The following TFEC variants were observed in gnomAD, a reference collection of about 807,000 sequenced individuals.
TFEC encodes class E basic helix-loop-helix protein 34.
TFEC carries 31 observed loss-of-function variants against 41.6 expected under a neutral mutation model. That is an observed-to-expected ratio of 0.74 (90% CI 0.56 to 1.01). The LOEUF (loss-of-function observed/expected upper bound fraction) is 1.01, where lower values mean the gene tolerates loss of function less well. Among genes scored for constraint, TFEC ranks in the 50% least tolerant of loss-of-function variants. The pLI, the probability that TFEC is intolerant of heterozygous loss-of-function variation, is 0.00. For synonymous variants in TFEC, 143 were observed against 140.6 expected (o/e 1.02, Z -0.12); for missense variants, 402 against 404.1 (o/e 0.99, Z 0.04).
intron 6 of TFEC, among the ~76,000 whole-genome samples, chr7:115,944,013 A>ATTTT (rs1160114562): frequency 0.014 from 313 of 22,806 alleles, 75 homozygotes; most frequent in Non-Finnish European, 0.025. Context: ...ACAGGTCTGA[A>ATTTT]TTTTTTTTTT....
chr7:116,070,174 A>G (rs1796794209), intron 3 of TFEC, among the ~76,000 whole-genome samples: 1 of 151,336 alleles, frequency 6.6e-6, no homozygotes, highest in South Asian at 2.1e-4. Flanking sequence ...GTGTGTATAT[A>G]TACATATAAA....
At chr7:116,034,710 A>ACAC (rs1463315072), upstream of TFEC, among the ~76,000 whole-genome samples, 1 of 151,538 alleles carries the variant, frequency 6.6e-6, no homozygotes, top group Non-Finnish European at 1.5e-5. Context: ...ACACACACAC[A>ACAC]CACAGCAACC....
In TFEC at chr7:115,954,609, T is replaced by C; in HGVS notation, c.416A>G (p.Gln139Arg). The part of the protein sequence containing the change: ...TDTRALAKER[Q>R]KKDNHNLIER... Reference sequence around the variant, plus strand: ...ACTGAGGTTGTGGTTGTCCTTTTTTTGTCTCTCTTTTGCTAAAGCTCTAGT... The same window carrying C: ...ACTGAGGTTGTGGTTGTCCTTTTTTCGTCTCTCTTTTGCTAAAGCTCTAGT... Residue 139 changes from glutamine to arginine, a missense_variant, in exon 5 of 8, where the codon CAA becomes CGA. Coordinates refer to ENST00000265440, the MANE Select transcript of TFEC (RefSeq NM_012252.4). 6.2e-7 allele frequency: 1 copy of C among 1,611,980 alleles called. No individual in the cohort carries two copies.
At chr7:116,103,660 CG>C (rs1027719111) in intron 3 of TFEC, among the ~76,000 whole-genome samples, 64 of 152,030 alleles carry the variant, frequency 4.2e-4, no homozygotes, top group African/African-American at 1.5e-3. Context: ...TCAGTTAACA[CG>C]TAGAGACACG....
intron 3 of TFEC, among the ~76,000 whole-genome samples, chr7:115,962,095 T>C (rs893963014): frequency 8.6e-5 from 13 of 151,538 alleles, no homozygotes; most frequent in Non-Finnish European, 1.5e-4. Flanking sequence ...TCCATTTAAA[T>C]AGCATCAAAA....
intron 7 of TFEC, chr7:115,941,437 T>G (rs553037273): frequency 6.0e-6 from 1 of 166,532 alleles, no homozygotes; most frequent in Admixed American, 6.3e-5. Flanking sequence ...CTTGAGGCAA[T>G]GAAATCCATA....
At chr7:116,113,676 A>C (rs1245163026) in intron 1 of TFEC, among the ~76,000 whole-genome samples, 1 of 152,050 alleles carries the variant, frequency 6.6e-6, no homozygotes, top group Admixed American at 6.6e-5. Flanking sequence ...TAAGATTCTT[A>C]TAATGCGTTC....
At chr7:116,083,179 C>A (rs1001791929) in intron 3 of TFEC, among the ~76,000 whole-genome samples, 20 of 151,692 alleles carry the variant, frequency 1.3e-4, no homozygotes, top group Non-Finnish European at 2.5e-4. Context: ...TGTGTCTAAT[C>A]TCTAAAATTA....
chr7:116,095,365 G>C (rs1179732378), intron 3 of TFEC, among the ~76,000 whole-genome samples: 2 of 152,196 alleles, frequency 1.3e-5, no homozygotes, highest in Non-Finnish European at 2.9e-5. Context: ...GCATGCATGA[G>C]TGAAAAGGTG....
Position 116,029,315 on chromosome 7 carries a change from C to G in TFEC, c.-73+1318G>C, listed in dbSNP as rs571467992. 6.0e-4 allele frequency among the ~76,000 whole-genome samples: 91 copies of G among 152,128 alleles called. 4 individuals carry two copies. In the South Asian group the frequency reaches 0.018, roughly 30 times the overall value. On this transcript the variant is annotated intron_variant, in intron 1 of 7. Transcript: ENST00000265440. Reference sequence around the variant, plus strand: ...AAGTTTAGCCTACTTAAAGTAGCTTCCATCCAAAAGTAAAATATTTAACAT... The same window carrying G: ...AAGTTTAGCCTACTTAAAGTAGCTTGCATCCAAAAGTAAAATATTTAACAT...
chr7:115,979,656 C>T (rs1321007125), intron 2 of TFEC, among the ~76,000 whole-genome samples: 1 of 152,008 alleles, frequency 6.6e-6, no homozygotes. Flanking sequence ...CCTAAGTTAA[C>T]TCATCATCAC....
At chr7:115,958,597 AG>A (rs1265624037) in intron 3 of TFEC, among the ~76,000 whole-genome samples, 1 of 151,860 alleles carries the variant, frequency 6.6e-6, no homozygotes, top group Non-Finnish European at 1.5e-5. Flanking sequence ...GCAACAATAA[AG>A]TAAGAGGTAC....
At chr7:116,048,007 G>T (rs1332932563) in intron 3 of TFEC, among the ~76,000 whole-genome samples, 2 of 152,144 alleles carry the variant, frequency 1.3e-5, no homozygotes, top group Non-Finnish European at 2.9e-5. Context: ...AAGACCAAAG[G>T]TAGATAAAAC....
chr7:116,014,467 A>G (rs1795116573), intron 1 of TFEC, among the ~76,000 whole-genome samples: 1 of 152,138 alleles, frequency 6.6e-6, no homozygotes, highest in African/African-American at 2.4e-5. Flanking sequence ...TTCCATACTA[A>G]TTTGAGCTTA....
intron 1 of TFEC, among the ~76,000 whole-genome samples, chr7:116,151,802 G>A (rs905118230): frequency 5.9e-5 from 9 of 151,968 alleles, no homozygotes; most frequent in African/African-American, 2.2e-4. Flanking sequence ...GATTTAATTG[G>A]TTTATAAAAT....
chr7:116,073,017 T>C (rs1796867045), intron 3 of TFEC, among the ~76,000 whole-genome samples: 1 of 151,252 alleles, frequency 6.6e-6, no homozygotes, highest in Non-Finnish European at 1.5e-5. Context: ...AACAAAAAAA[T>C]AAGCATCCAG....
Position 115,999,844 on chromosome 7 carries a change from C to CAAA in TFEC, c.-72-15334_-72-15332dup, listed in dbSNP as rs71137145. On this transcript the variant is annotated intron_variant, in intron 1 of 7. Coordinates refer to ENST00000265440, the MANE Select transcript of TFEC (RefSeq NM_012252.4). Reference sequence around the variant, plus strand: ...ATCAAAGCCATAATAAGTCTCCTAGCAAAAAAAAAAAAAAAGGCAATGGCT... The same window carrying CAAA: ...ATCAAAGCCATAATAAGTCTCCTAGCAAAAAAAAAAAAAAAAAAGGCAATGGCT... 3.4e-3 allele frequency among the ~76,000 whole-genome samples: 443 copies of CAAA among 131,162 alleles called. 2 individuals carry two copies. Among genetic ancestry groups the CAAA allele is most frequent in the African/African-American group, 4.7e-3 (165 of 34,850 alleles). 86.0% of individuals were successfully genotyped at this position (131,162 alleles called of 152,430 possible).
At chr7:116,055,643 T>A (rs1022185827) in intron 3 of TFEC, among the ~76,000 whole-genome samples, 12 of 152,010 alleles carry the variant, frequency 7.9e-5, no homozygotes, top group Non-Finnish European at 1.6e-4. Flanking sequence ...TAAAGATATC[T>A]CACATTTTCA....
At position 115,937,094 on chromosome 7, in the gene TFEC, T is replaced by C. The variant is rs1793266262; in HGVS notation, c.*3457A>G. On this transcript the variant is annotated 3_prime_UTR_variant, in exon 8 of 8. Coordinates refer to ENST00000265440, the MANE Select transcript of TFEC (RefSeq NM_012252.4). ...GGAAGTTGGAAAGGGCTGTTTAATG[T>C]GAATCCAAGAAAAAGCAGCCAATAT... 6.6e-6 allele frequency: 1 copy of C among 151,544 alleles called. No homozygotes were observed. The highest frequency in any genetic ancestry group is 2.4e-5 in the African/African-American group (1 of 41,356). The allele number at this position is 151,544 out of a possible 1,614,324, so 9.4% of individuals were successfully genotyped here.
Sources: gnomAD v4.1 joint callset for allele counts (sites outside exome capture counted in the v4.1 genomes callset) on GRCh38, gnomAD v4.1.1 for gene constraint, MANE v1.5 for transcripts, NCBI Gene and HGNC (gene_info 2026-07-23, HGNC 2026-07-21) for gene names.